The following ZFPM1 variants were observed in gnomAD, a reference collection of about 807,000 sequenced individuals.
ZFPM1 encodes the protein zinc finger protein ZFPM1.
In ZFPM1, 28 loss-of-function variants were observed where a neutral mutation model predicts 46.3. The observed-to-expected ratio is 0.60, with a 90% confidence interval of 0.45 to 0.83. ZFPM1 has a LOEUF of 0.83. Among genes scored for constraint, ZFPM1 ranks in the 40% least tolerant of loss-of-function variants. The pLI is 0.00. For synonymous variants in ZFPM1, 957 were observed against 675.9 expected (o/e 1.42, Z -6.45); for missense variants, 1,878 against 1,432.4 (o/e 1.31, Z -5.02).
chr16:88,523,268 G>A (rs1177128423), intron 4 of ZFPM1, among the ~76,000 whole-genome samples: 1 of 152,092 alleles, frequency 6.6e-6, no homozygotes, highest in Non-Finnish European at 1.5e-5. Flanking sequence ...GGCAGAGCAG[G>A]GTCAGGAAGG....
Position 88,535,243 on chromosome 16 carries a change from A to G in ZFPM1, c.*264A>G, listed in dbSNP as rs565312936. On this transcript the variant is annotated 3_prime_UTR_variant, in exon 10 of 10. Coordinates refer to ENST00000319555, the MANE Select transcript of ZFPM1 (RefSeq NM_153813.3). ...TCACATCCAGCCCTGCTGTGTACAC[A>G]GGCCACTGCGGCCCGGAGTGGCTGG... 1.8e-3 allele frequency: 574 copies of G among 318,922 alleles called. 3 individuals are homozygous for G. The highest frequency in any genetic ancestry group is 2.3e-3 in the Non-Finnish European group (403 of 177,402). The allele number at this position is 318,922 out of a possible 1,614,324, so 19.8% of individuals were successfully genotyped here. A position where few individuals can be genotyped will look rare whatever the true frequency, so the allele number is the denominator to read the frequency against.
At chr16:88,503,947 G>A (rs998606314) in intron 3 of ZFPM1, among the ~76,000 whole-genome samples, 7 of 151,714 alleles carry the variant, frequency 4.6e-5, no homozygotes, top group Non-Finnish European at 1.0e-4. Context: ...ATTCTTGGGG[G>A]TAGCAGTGTC....
intron 1 of ZFPM1, among the ~76,000 whole-genome samples, chr16:88,466,028 C>G (rs1908120780): frequency 6.6e-6 from 1 of 152,226 alleles, no homozygotes; most frequent in Admixed American, 6.5e-5. Flanking sequence ...CGGCCGCTCC[C>G]TCGCTGGCAG....
intron 1 of ZFPM1, among the ~76,000 whole-genome samples, chr16:88,466,371 C>A (rs2142348343): frequency 6.6e-6 from 1 of 152,286 alleles, no homozygotes; most frequent in Non-Finnish European, 1.5e-5. Flanking sequence ...AGTAACTCAC[C>A]CAAGATCACA....
chr16:88,483,829 G>C (rs372304981), intron 1 of ZFPM1, among the ~76,000 whole-genome samples: 5 of 152,360 alleles, frequency 3.3e-5, no homozygotes, highest in African/African-American at 1.2e-4. Context: ...CTCATGATCA[G>C]AGAGGGGGCT....
chr16:88,488,921 C>T (rs916084304), intron 2 of ZFPM1, 110 bp from the exon 3 acceptor site: 60 of 1,481,854 alleles, frequency 4.0e-5, no homozygotes, highest in East Asian at 2.4e-4. Flanking sequence ...GCTCTGGGCC[C>T]GAGCTCCCCA....
chr16:88,534,791 C>T lies in ZFPM1; in HGVS notation c.2833C>T (p.Pro945Ser), dbSNP rs760902795. The change falls in exon 10 of 10, where the codon CCC becomes TCC. Residue 945 changes from proline (P) to serine (S), a missense_variant. Physicochemically the swap from Pro to Ser is moderately conservative, Grantham distance 74. Transcript: ENST00000319555. The part of the protein sequence containing the change: ...SPAAAPEAVP[P>S]PPAPPSYSDK... ...GGCCGCCGCGCCCGAGGCCGTGCCG[C>T]CCCCGCCGGCGCCCCCCTCCTACTC... The T allele has an allele frequency of 7.4e-6, 10 of 1,354,396 alleles. No individual in the cohort carries two copies. The highest frequency in any genetic ancestry group is 5.4e-5 in the Admixed American group (2 of 37,076). The allele number at this position is 1,354,396 out of a possible 1,614,324, so 83.9% of individuals were successfully genotyped here. A position where few individuals can be genotyped will look rare whatever the true frequency, so the allele number is the denominator to read the frequency against.
At chr16:88,504,241 A>G (rs1446159964) in intron 3 of ZFPM1, among the ~76,000 whole-genome samples, 1 of 152,090 alleles carries the variant, frequency 6.6e-6, no homozygotes, top group Admixed American at 6.5e-5. Context: ...GGCCGATAGG[A>G]CACAGATAAG....
In ZFPM1 at chr16:88,480,790, A is replaced by G. The variant is rs2142365847; in HGVS notation, c.41-5149A>G. Among the ~76,000 whole-genome samples, 1 of 152,252 alleles carries G rather than the reference A, an allele frequency of 6.6e-6. No homozygotes were observed. Among genetic ancestry groups the G allele is most frequent in the East Asian group, 1.9e-4 (1 of 5,170 alleles). On this transcript the variant is annotated intron_variant, in intron 1 of 9. Coordinates refer to ENST00000319555, the MANE Select transcript of ZFPM1 (RefSeq NM_153813.3). The surrounding 1 kb of genome is among the most constrained non-coding windows in gnomAD (Gnocchi z 4.9). ...AGCCCCCATCTGCGCCCCACCTGGC[A>G]TGTCCACCCTGGGGCCCACAGTCTG...
rs370738235 is a variant in ZFPM1, at chr16:88,488,029, C to A, written c.146-1002C>A. 2.6e-5 allele frequency among the ~76,000 whole-genome samples: 4 copies of A among 152,344 alleles called. No homozygotes were observed. The East Asian group carries it at 5.8e-4, about 22-fold the overall frequency. ...CCCGGGGCCGGGCTCTTAACCCTCGCGGAGCCTCCGTTACTGCACATGTGA... is the reference window on the plus strand; with the variant it reads ...CCCGGGGCCGGGCTCTTAACCCTCGAGGAGCCTCCGTTACTGCACATGTGA... On this transcript the variant is annotated intron_variant, in intron 2 of 9. Coordinates refer to ENST00000319555, the MANE Select transcript of ZFPM1 (RefSeq NM_153813.3).
chr16:88,490,372 T>C (rs988480292), intron 3 of ZFPM1, among the ~76,000 whole-genome samples: 7 of 152,260 alleles, frequency 4.6e-5, no homozygotes, highest in Non-Finnish European at 1.0e-4. Flanking sequence ...ATTGAGTGCC[T>C]GCTGTGTGCC....
intron 1 of ZFPM1, among the ~76,000 whole-genome samples, chr16:88,484,161 A>G (rs540443599): frequency 1.3e-5 from 2 of 152,286 alleles, no homozygotes; most frequent in South Asian, 2.1e-4. Context: ...GGATTCGGAG[A>G]GAAGCTCTTG....
In ZFPM1 at chr16:88,533,974, C is replaced by G. The variant is rs1350009995; in HGVS notation, c.2016C>G (p.Ser672=). 1 of 1,327,622 alleles carries G rather than the reference C, an allele frequency of 7.5e-7. No homozygotes were observed. The highest frequency in any genetic ancestry group is 9.8e-7 in the Non-Finnish European group (1 of 1,021,310). 82.2% of individuals were successfully genotyped at this position (1,327,622 alleles called of 1,614,324 possible). A position where few individuals can be genotyped will look rare whatever the true frequency, so the allele number is the denominator to read the frequency against. Residue 672 remains serine (S), a synonymous_variant, in exon 10 of 10, where the codon TCC becomes TCG. Coordinates refer to ENST00000319555, the MANE Select transcript of ZFPM1 (RefSeq NM_153813.3). The stretch of plus-strand genomic sequence containing the variant: ...AGGGCAGCCAGAGCCCGGGTAGCTC[C>G]GTGGACGACGCGGAGGACGACCCCA... The part of the protein sequence containing the change: ...GSEGSQSPGS[S]VDDAEDDPSR...
intron 4 of ZFPM1, among the ~76,000 whole-genome samples, chr16:88,517,660 G>A (rs1448910998): frequency 2.0e-5 from 3 of 151,072 alleles, no homozygotes; most frequent in African/African-American, 7.3e-5. Flanking sequence ...GTGGATGGAT[G>A]GGAGGATAAC....
chr16:88,488,962 C>A, intron 2 of ZFPM1, 69 bp from the exon 3 acceptor site: 1 of 1,549,936 alleles, frequency 6.5e-7, no homozygotes, highest in South Asian at 1.2e-5. Context: ...GCATCCTTCC[C>A]AGCTACAGGG....
intron 1 of ZFPM1, among the ~76,000 whole-genome samples, chr16:88,474,177 CTCTT>C (rs1908562114): frequency 6.6e-6 from 1 of 152,220 alleles, no homozygotes; most frequent in South Asian, 2.1e-4. Context: ...CAGGCCCCGG[CTCTT>C]TCTTCCCTCC....
chr16:88,513,071 C>T (rs536501404), intron 3 of ZFPM1: 2 of 152,378 alleles, frequency 1.3e-5, no homozygotes, highest in African/African-American at 4.8e-5. Flanking sequence ...TGGGACCCCG[C>T]TCACACTGGT....
intron 3 of ZFPM1, among the ~76,000 whole-genome samples, chr16:88,491,021 C>CTCTCGGTCAGGCGCTGGTGCCTTCGGGGG (rs759809585): frequency 3.2e-4 from 46 of 142,194 alleles, no homozygotes; most frequent in African/African-American, 7.3e-4. Context: ...GCCTTCGGGG[C>CTCTCGGTCAGGCGCTGGTGCCTTCGGGGG]TCTCGGTCAG....
chr16:88,532,466 G>T, intron 7 of ZFPM1, 148 bp from the exon 8 acceptor site: 2 of 893,300 alleles, frequency 2.2e-6, no homozygotes, highest in Non-Finnish European at 3.3e-6. Flanking sequence ...GAGACAAAAG[G>T]CGGAGGAGGA....
Sources: gnomAD v4.1 joint callset for allele counts (sites outside exome capture counted in the v4.1 genomes callset) on GRCh38, gnomAD v4.1.1 for gene constraint, Gnocchi (gnomAD v3.1) non-coding constraint, MANE v1.5 for transcripts, NCBI Gene and HGNC (gene_info 2026-07-23, HGNC 2026-07-21) for gene names.